Variants in RERE observed in about 807,000 individuals in gnomAD.
RERE encodes the protein arginine-glutamic acid dipeptide repeats protein.
Under a neutral mutation model 146.1 loss-of-function variants are expected in RERE, and 40 were observed. The observed-to-expected ratio is 0.27, with a 90% confidence interval of 0.21 to 0.36. The LOEUF (loss-of-function observed/expected upper bound fraction) is 0.36, where lower values mean the gene tolerates loss of function less well. RERE is among the 10% of genes least tolerant of loss of function. The pLI, the probability that RERE is intolerant of heterozygous loss-of-function variation, is 1.00. For synonymous variants in RERE, 1,003 were observed against 866.0 expected, an observed-to-expected ratio of 1.16 and a Z score of -2.78; for missense variants, 1,933 against 2,138.7, an observed-to-expected ratio of 0.90 and a Z score of 1.90.
At chr1:8,758,772 A>C (rs977868798) in intron 1 of RERE, among the ~76,000 whole-genome samples, 6 of 152,090 alleles carry the variant, frequency 3.9e-5, no homozygotes, top group African/African-American at 1.4e-4. Context: ...TCAAGAGATC[A>C]GCTTTATAAT....
chr1:8,556,618 A>G, intron 5 of RERE, 47 bp from the exon 6 acceptor site: 1 of 1,197,406 alleles, frequency 8.4e-7, no homozygotes, highest in Non-Finnish European at 1.2e-6. Context: ...GTTTCCCAAA[A>G]CAAGTAAAAA....
At chr1:8,446,515 TTGAA>T (rs1319516448) in intron 11 of RERE, among the ~76,000 whole-genome samples, 6 of 152,326 alleles carry the variant, frequency 3.9e-5, no homozygotes, top group Middle Eastern at 3.4e-3. Context: ...TTTCCTGAAT[TTGAA>T]TGCTGGCCTG....
chr1:8,772,750 G>C (rs1640977379), intron 1 of RERE, among the ~76,000 whole-genome samples: 1 of 151,950 alleles, frequency 6.6e-6, no homozygotes, highest in Non-Finnish European at 1.5e-5. Context: ...CTGCACTCCA[G>C]CCTGGGCAAC....
chr1:8,518,039 G>A (rs758078484), intron 7 of RERE, among the ~76,000 whole-genome samples: 7 of 152,258 alleles, frequency 4.6e-5, no homozygotes, highest in South Asian at 2.1e-4. Context: ...AACATGATGC[G>A]GCCACTTCTT....
chr1:8,704,638 G>A (rs1395736971), intron 1 of RERE, among the ~76,000 whole-genome samples: 1 of 152,146 alleles, frequency 6.6e-6, no homozygotes, highest in Non-Finnish European at 1.5e-5. Context: ...AGAACCCAGG[G>A]GTCCTGCTTT....
chr1:8,773,825 G>GA (rs1158954118), intron 1 of RERE, among the ~76,000 whole-genome samples: 1 of 152,018 alleles, frequency 6.6e-6, no homozygotes, highest in East Asian at 1.9e-4. Flanking sequence ...CTCCATCTCA[G>GA]AAAAAAGTTA....
intron 2 of RERE, among the ~76,000 whole-genome samples, chr1:8,655,512 C>T (rs1050704820): frequency 6.6e-5 from 10 of 152,058 alleles, no homozygotes; most frequent in African/African-American, 1.9e-4. Flanking sequence ...GGCCTAAAGG[C>T]CATTTTTAAA....
chr1:8,799,811 GGTT>G (rs1037843039), intron 1 of RERE, among the ~76,000 whole-genome samples: 2 of 143,168 alleles, frequency 1.4e-5, no homozygotes. Flanking sequence ...TTTTGGTTTT[GGTT>G]TTTTTGCTTT....
At chr1:8,692,909 G>A (rs140757252) in intron 1 of RERE, among the ~76,000 whole-genome samples, 86 of 152,084 alleles carry the variant, frequency 5.7e-4, no homozygotes, top group African/African-American at 1.6e-3. Context: ...TATGCTTTCC[G>A]CTTACAAGAC....
intron 1 of RERE, among the ~76,000 whole-genome samples, chr1:8,808,823 C>A (rs1641737637): frequency 6.6e-6 from 1 of 152,018 alleles, no homozygotes; most frequent in Admixed American, 6.6e-5. Context: ...TGAGGCTGGA[C>A]CAAATTGGTG....
chr1:8,799,851 A>G (rs1010546966), intron 1 of RERE, among the ~76,000 whole-genome samples: 2 of 150,978 alleles, frequency 1.3e-5, no homozygotes, highest in African/African-American at 4.9e-5. Flanking sequence ...TCGCTCTGTC[A>G]CCCAGGCTGG....
chr1:8,677,096 T>C (rs1557475055), intron 1 of RERE, among the ~76,000 whole-genome samples: 1 of 152,066 alleles, frequency 6.6e-6, no homozygotes, highest in Non-Finnish European at 1.5e-5. Context: ...AAGAGGGGTT[T>C]TTGATAAATG....
chr1:8,485,280 G>C (rs1193067648), intron 10 of RERE, among the ~76,000 whole-genome samples: 1 of 152,148 alleles, frequency 6.6e-6, no homozygotes. Flanking sequence ...AGAATCACTT[G>C]AACCTGGGAG....
At chr1:8,547,415 G>A (rs1645877227) in intron 6 of RERE, among the ~76,000 whole-genome samples, 1 of 151,906 alleles carries the variant, frequency 6.6e-6, no homozygotes, top group African/African-American at 2.4e-5. Context: ...TGATAAATTT[G>A]ATTAGATAAA....
At chr1:8,494,075 C>T (rs113896817) in intron 10 of RERE, among the ~76,000 whole-genome samples, 1 of 152,122 alleles carries the variant, frequency 6.6e-6, no homozygotes, top group African/African-American at 2.4e-5. Context: ...ATCTGAGCTG[C>T]TGTGTGTTTA....
chr1:8,733,612 C>G (rs1191640634), intron 1 of RERE, among the ~76,000 whole-genome samples: 1 of 152,230 alleles, frequency 6.6e-6, no homozygotes, highest in African/African-American at 2.4e-5. Context: ...AGCAAGAACT[C>G]TGCCAACCTT....
At position 8,550,848 on chromosome 1, in the gene RERE, A is replaced by G. The variant is rs542231407; in HGVS notation, c.725+5627T>C. 3.9e-5 allele frequency among the ~76,000 whole-genome samples: 6 copies of G among 152,212 alleles called. No individual in the cohort carries two copies. In the South Asian group the frequency reaches 1.2e-3, roughly 32 times the overall value. ...CAGGCGTGAGCCACCGTGCCCGGCC[A>G]CTAAAGGATTTTTAAATGTTTTAAG... is the stretch of plus-strand genomic sequence containing the variant. On this transcript the variant is annotated intron_variant, in intron 6 of 22. Coordinates refer to ENST00000400908, the MANE Select transcript of RERE (RefSeq NM_001042681.2).
chr1:8,417,314 G>A (rs1294614970), intron 12 of RERE, among the ~76,000 whole-genome samples: 1 of 152,110 alleles, frequency 6.6e-6, no homozygotes, highest in Non-Finnish European at 1.5e-5. Context: ...ATGACATTTT[G>A]CCTGAAGAAA....
intron 1 of RERE, among the ~76,000 whole-genome samples, chr1:8,774,650 G>A (rs570260157): frequency 3.2e-4 from 49 of 151,578 alleles, no homozygotes; most frequent in African/African-American, 1.0e-3. Flanking sequence ...CACCACACCC[G>A]GCCATCATTT....
Sources: gnomAD v4.1 joint callset for allele counts (sites outside exome capture counted in the v4.1 genomes callset) on GRCh38, gnomAD v4.1.1 for gene constraint, MANE v1.5 for transcripts, NCBI Gene and HGNC (gene_info 2026-07-23, HGNC 2026-07-21) for gene names.